PARD3B: variants seen among roughly 807,000 people sequenced by gnomAD.
PARD3B encodes the protein partitioning defective 3 homolog B.
In PARD3B, 103 loss-of-function variants were observed where a neutral mutation model predicts 130.2. The observed-to-expected ratio is 0.79, with a 90% confidence interval of 0.67 to 0.93. PARD3B has a LOEUF of 0.93. PARD3B is among the 40% of genes least tolerant of loss of function. The pLI is 0.00. For synonymous variants in PARD3B, 583 were observed against 553.2 expected, an observed-to-expected ratio of 1.05 and a Z score of -0.76; for missense variants, 1,609 against 1,499.2, an observed-to-expected ratio of 1.07 and a Z score of -1.21.
In PARD3B at chr2:205,229,847, T is replaced by G. The variant is rs2125890937; in HGVS notation, c.2141-15931T>G. Among the ~76,000 whole-genome samples the G allele has an allele frequency of 6.6e-6, 1 of 152,088 alleles. No individual in the cohort carries two copies. Among genetic ancestry groups the G allele is most frequent in the East Asian group, 2.0e-4 (1 of 5,112 alleles). ...TAGATGTCTACCTGGTGCTCCATTT[T>G]CTTGAGTCTGAGCTGGCACCAAGCC... On this transcript the variant is annotated intron_variant, in intron 15 of 22. Coordinates refer to ENST00000406610, the MANE Select transcript of PARD3B (RefSeq NM_001302769.2). The surrounding 1 kb of genome is among the most constrained non-coding windows in gnomAD (Gnocchi z 5.2).
chr2:204,558,711 C>T (rs570322603), intron 1 of PARD3B, among the ~76,000 whole-genome samples: 1 of 152,240 alleles, frequency 6.6e-6, no homozygotes, highest in South Asian at 2.1e-4. Context: ...TCATGTGGAA[C>T]CAAAAAGAGC....
chr2:204,557,207 G>A (rs2030986194), intron 1 of PARD3B, among the ~76,000 whole-genome samples: 1 of 151,960 alleles, frequency 6.6e-6, no homozygotes, highest in Admixed American at 6.6e-5. Flanking sequence ...CCCTGAACTT[G>A]CTCCAGATCC....
intron 2 of PARD3B, among the ~76,000 whole-genome samples, chr2:204,717,194 ATAT>A (rs1419258008): frequency 2.0e-5 from 3 of 152,210 alleles, no homozygotes; most frequent in Non-Finnish European, 4.4e-5. Context: ...TAAAACCCAA[ATAT>A]TATTTAACTC....
At position 205,592,700 on chromosome 2, in the gene PARD3B, T is replaced by C. The variant is rs1159125678; in HGVS notation, c.3261-22756T>C. Among the ~76,000 whole-genome samples the C allele has an allele frequency of 6.6e-6, 1 of 152,266 alleles. No individual in the cohort carries two copies. Among genetic ancestry groups the C allele is most frequent in the Admixed American group, 6.5e-5 (1 of 15,290 alleles). On this transcript the variant is annotated intron_variant, in intron 22 of 22. Transcript: ENST00000406610. This position sits in a 1 kb window ranked among gnomAD's most constrained non-coding sequence, Gnocchi z 4.5. The stretch of plus-strand genomic sequence containing the variant: ...TCAATCATAACGTATATTTCTGAGA[T>C]GATTACTCAGTTAGCTCATAGGAGG...
intron 1 of PARD3B, among the ~76,000 whole-genome samples, chr2:204,569,834 T>C (rs192458719): frequency 6.0e-4 from 91 of 152,316 alleles, no homozygotes; most frequent in Middle Eastern, 6.8e-3. Context: ...TGATGCTTAA[T>C]GTGGGGATGC....
chr2:204,735,484 G>T (rs2039704936), intron 2 of PARD3B, among the ~76,000 whole-genome samples: 2 of 152,032 alleles, frequency 1.3e-5, no homozygotes, highest in South Asian at 4.1e-4. Flanking sequence ...CCTGAATGTA[G>T]AACATTCTAC....
At chr2:204,569,168 A>T (rs2031850913) in intron 1 of PARD3B, among the ~76,000 whole-genome samples, 1 of 152,134 alleles carries the variant, frequency 6.6e-6, no homozygotes, top group Non-Finnish European at 1.5e-5. Context: ...TTTTGCTTTC[A>T]CTGCACAGTT....
intron 2 of PARD3B, among the ~76,000 whole-genome samples, chr2:204,754,496 G>T (rs2040587433): frequency 6.6e-6 from 1 of 152,008 alleles, no homozygotes; most frequent in Non-Finnish European, 1.5e-5. Flanking sequence ...TATAATAATA[G>T]AACCTGCCTT....
intron 18 of PARD3B, among the ~76,000 whole-genome samples, chr2:205,338,557 C>G (rs2043402891): frequency 6.6e-6 from 1 of 152,106 alleles, no homozygotes; most frequent in Non-Finnish European, 1.5e-5. Flanking sequence ...AGTAAGCACC[C>G]TACTCTGGAA....
chr2:204,690,199 A>G (rs967314566), intron 2 of PARD3B, among the ~76,000 whole-genome samples: 3 of 152,136 alleles, frequency 2.0e-5, no homozygotes, highest in African/African-American at 7.2e-5. Context: ...TTTAGACTGC[A>G]CTTGAAGTCT....
chr2:205,513,796 CAT>C (rs1008946871), intron 21 of PARD3B, among the ~76,000 whole-genome samples: 1 of 151,862 alleles, frequency 6.6e-6, no homozygotes, highest in African/African-American at 2.4e-5. Flanking sequence ...AGACAGGAAA[CAT>C]AATTTCAAAT....
At chr2:205,364,388 C>A (rs2044520550) in intron 18 of PARD3B, among the ~76,000 whole-genome samples, 2 of 152,130 alleles carry the variant, frequency 1.3e-5, no homozygotes. Context: ...CCCTATTACT[C>A]AAGCCTAGAA....
intron 15 of PARD3B, among the ~76,000 whole-genome samples, chr2:205,219,425 A>G (rs887065210): frequency 7.2e-5 from 11 of 152,236 alleles, no homozygotes; most frequent in African/African-American, 2.7e-4. Context: ...CTAATAAACA[A>G]TGAATCTGGA....
intron 2 of PARD3B, among the ~76,000 whole-genome samples, chr2:204,864,421 A>C (rs1356133457): frequency 6.6e-6 from 1 of 152,098 alleles, no homozygotes; most frequent in Non-Finnish European, 1.5e-5. Context: ...GTCCCAGCTA[A>C]ACTGACTTTT....
intron 2 of PARD3B, among the ~76,000 whole-genome samples, chr2:204,775,237 A>G (rs897327832): frequency 1.3e-5 from 2 of 152,186 alleles, no homozygotes; most frequent in Non-Finnish European, 2.9e-5. Context: ...AGTGTACTGC[A>G]TAAAAGTATG....
At chr2:205,448,379 C>T (rs1187843121) in intron 20 of PARD3B, among the ~76,000 whole-genome samples, 1 of 152,070 alleles carries the variant, frequency 6.6e-6, no homozygotes, top group African/African-American at 2.4e-5. Context: ...TCATTATTAG[C>T]TTATATTGCA....
At chr2:204,834,584 A>G (rs2043960109) in intron 2 of PARD3B, among the ~76,000 whole-genome samples, 1 of 152,222 alleles carries the variant, frequency 6.6e-6, no homozygotes, top group Non-Finnish European at 1.5e-5. Context: ...TTAGAGTAGC[A>G]TGTATATGTT....
At chr2:205,601,576 G>A (rs2054786118) in intron 22 of PARD3B, among the ~76,000 whole-genome samples, 1 of 152,138 alleles carries the variant, frequency 6.6e-6, no homozygotes, top group Admixed American at 6.5e-5. Context: ...CTTTGCCTGT[G>A]CCTATGTCCT....
chr2:205,245,970 C>CTTA, intron 16 of PARD3B, 148 bp downstream of exon 16: 1 of 640,770 alleles, frequency 1.6e-6, no homozygotes, highest in Non-Finnish European at 2.8e-6. Flanking sequence ...ACAAAGATGA[C>CTTA]TTATTGCTTG....
Sources: allele counts gnomAD v4.1 joint callset (sites outside exome capture counted in the v4.1 genomes callset), GRCh38; gene constraint gnomAD v4.1.1; non-coding constraint Gnocchi (gnomAD v3.1); transcripts MANE v1.5; gene names NCBI Gene and HGNC (gene_info 2026-07-23, HGNC 2026-07-21).